Variants in ULK4 observed in about 807,000 individuals in gnomAD.
ULK4 encodes the protein inactive serine/threonine-protein kinase ULK4.
In ULK4, 133 loss-of-function variants were observed where a neutral mutation model predicts 160.6. The ratio of observed to expected loss-of-function variants is 0.83; its 90% CI spans 0.72 to 0.96. The LOEUF is 0.96. ULK4 is among the 40% of genes least tolerant of loss of function. The pLI is 0.00. For synonymous variants in ULK4, 534 were observed against 539.8 expected (o/e 0.99, Z 0.15); for missense variants, 1,580 against 1,499.5 (o/e 1.05, Z -0.89).
intron 21 of ULK4, among the ~76,000 whole-genome samples, chr3:41,773,451 T>G (rs2039482611): frequency 6.6e-6 from 1 of 152,148 alleles, no homozygotes; most frequent in African/African-American, 2.4e-5. Flanking sequence ...AGCCAAATCA[T>G]GAGTGAACTC....
At chr3:41,401,274 C>T (rs2082173244) in intron 34 of ULK4, among the ~76,000 whole-genome samples, 1 of 152,114 alleles carries the variant, frequency 6.6e-6, no homozygotes, top group South Asian at 2.1e-4. Flanking sequence ...TTATATTTTA[C>T]ATCTTTAATC....
At chr3:41,340,690 T>C (rs577841585) in intron 35 of ULK4, among the ~76,000 whole-genome samples, 37 of 152,342 alleles carry the variant, frequency 2.4e-4, no homozygotes, top group African/African-American at 8.9e-4. Context: ...AGGACAGATA[T>C]GAACATTTTC....
chr3:41,625,770 T>C (rs2125696733), intron 30 of ULK4, among the ~76,000 whole-genome samples: 1 of 152,316 alleles, frequency 6.6e-6, no homozygotes, highest in Non-Finnish European at 1.5e-5. Context: ...ATGAAATGTC[T>C]ATAATTTACA....
intron 2 of ULK4, among the ~76,000 whole-genome samples, chr3:41,954,344 T>C (rs1223265887): frequency 8.6e-6 from 1 of 115,812 alleles, no homozygotes; most frequent in Non-Finnish European, 1.8e-5. Context: ...AGAGAGACCC[T>C]GTTTCTAAGG....
chr3:41,882,628 G>A (rs1697564218), intron 17 of ULK4, among the ~76,000 whole-genome samples: 1 of 152,100 alleles, frequency 6.6e-6, no homozygotes, highest in Non-Finnish European at 1.5e-5. Flanking sequence ...ACTTATTACT[G>A]CAACTACTGA....
chr3:41,773,949 C>G lies in ULK4; in HGVS notation c.2193+15712G>C, dbSNP rs2125923996. The stretch of plus-strand genomic sequence containing the variant: ...TACAACTATCTGATCTTTGACAAAC[C>G]TGACAAACACAAGCAATGGGAAAAG... On this transcript the variant is annotated intron_variant, in intron 21 of 36. Coordinates refer to ENST00000301831, the MANE Select transcript of ULK4 (RefSeq NM_017886.4). 1.3e-5 allele frequency among the ~76,000 whole-genome samples: 2 copies of G among 152,262 alleles called. 1 individual carries two copies. Among genetic ancestry groups the G allele is most frequent in the South Asian group, 4.2e-4 (2 of 4,818 alleles).
intron 31 of ULK4, among the ~76,000 whole-genome samples, chr3:41,573,460 T>C (rs893724037): frequency 2.9e-4 from 44 of 152,236 alleles, no homozygotes; most frequent in African/African-American, 1.1e-3. Context: ...GGTAAGGATC[T>C]AAATAGTCAA....
intron 32 of ULK4, among the ~76,000 whole-genome samples, chr3:41,496,955 G>C (rs1413727887): frequency 6.6e-6 from 1 of 151,146 alleles, no homozygotes; most frequent in Non-Finnish European, 1.5e-5. Context: ...ACAAAATTCA[G>C]ATTCACAATA....
chr3:41,672,178 A>C (rs1196608195), intron 29 of ULK4, among the ~76,000 whole-genome samples: 3 of 152,200 alleles, frequency 2.0e-5, no homozygotes, highest in African/African-American at 7.2e-5. Flanking sequence ...AAAAACTTAA[A>C]ATAGAACTAC....
intron 35 of ULK4, among the ~76,000 whole-genome samples, chr3:41,351,280 G>T (rs549304732): frequency 6.6e-6 from 1 of 152,188 alleles, no homozygotes; most frequent in Admixed American, 6.5e-5. Context: ...ACTTCTGTGG[G>T]ATTGGTAGTG....
chr3:41,588,946 A>T (rs1031800213), intron 31 of ULK4, among the ~76,000 whole-genome samples: 1 of 152,188 alleles, frequency 6.6e-6, no homozygotes, highest in South Asian at 2.1e-4. Context: ...AGTGCCAGCT[A>T]GTGTTGTTGA....
chr3:41,400,047 G>A (rs9818193), intron 34 of ULK4, among the ~76,000 whole-genome samples: 47,693 of 151,880 alleles, frequency 0.31, 7,770 homozygotes, highest in South Asian at 0.42. Context: ...TTTATTTTGA[G>A]ATATTTGTAG....
At chr3:41,743,197 A>G (rs2038300251) in intron 22 of ULK4, among the ~76,000 whole-genome samples, 1 of 151,904 alleles carries the variant, frequency 6.6e-6, no homozygotes, top group African/African-American at 2.4e-5. Flanking sequence ...TAACTCCTAA[A>G]AGCAAAGAGA....
intron 30 of ULK4, among the ~76,000 whole-genome samples, chr3:41,652,049 A>G (rs908248687): frequency 6.6e-6 from 1 of 152,202 alleles, no homozygotes; most frequent in African/African-American, 2.4e-5. Context: ...ATGGATTCAA[A>G]AGTTTAAGTT....
intron 22 of ULK4, among the ~76,000 whole-genome samples, chr3:41,751,025 G>A (rs1170288007): frequency 6.9e-6 from 1 of 145,206 alleles, no homozygotes; most frequent in African/African-American, 2.5e-5. Flanking sequence ...AGGGTGGGAA[G>A]GAGGGAGGGA....
At chr3:41,476,213 T>C (rs539346231) in intron 32 of ULK4, among the ~76,000 whole-genome samples, 36 of 152,216 alleles carry the variant, frequency 2.4e-4, no homozygotes, top group South Asian at 1.2e-3. Flanking sequence ...CTAGTGGGAA[T>C]TGAAAATTAG....
chr3:41,317,569 A>T (rs575801547), intron 35 of ULK4, among the ~76,000 whole-genome samples: 172 of 152,304 alleles, frequency 1.1e-3, no homozygotes, highest in African/African-American at 4.0e-3. Flanking sequence ...AAAGAAGAGG[A>T]GATGACCCAG....
chr3:41,940,226 C>T (rs1442376594), intron 2 of ULK4, among the ~76,000 whole-genome samples: 1 of 152,128 alleles, frequency 6.6e-6, no homozygotes, highest in East Asian at 1.9e-4. Context: ...CTTCCTTTCA[C>T]CTCCAGAGGT....
At chr3:41,427,944 T>C (rs1425827718) in intron 34 of ULK4, among the ~76,000 whole-genome samples, 2 of 151,984 alleles carry the variant, frequency 1.3e-5, no homozygotes, top group African/African-American at 2.4e-5. Context: ...GAGAAAGAAA[T>C]AAAGGGTATT....
Sources: gnomAD v4.1 joint callset for allele counts (sites outside exome capture counted in the v4.1 genomes callset) on GRCh38, gnomAD v4.1.1 for gene constraint, MANE v1.5 for transcripts, NCBI Gene and HGNC (gene_info 2026-07-23, HGNC 2026-07-21) for gene names.